S100Z: variants seen among roughly 807,000 people sequenced by gnomAD.
S100Z encodes the protein protein S100-Z.
Under a neutral mutation model 8.5 loss-of-function variants are expected in S100Z, and 11 were observed. The observed-to-expected ratio is 1.30, with a 90% confidence interval of 0.82 to 2.15. S100Z has a LOEUF of 2.15. Ranked by LOEUF, S100Z falls within the 30% of genes most tolerant of loss-of-function variation. The pLI, the probability that S100Z is intolerant of heterozygous loss-of-function variation, is 0.00. For missense variants in S100Z, 126 were observed against 117.9 expected (o/e 1.07, Z -0.32); for synonymous variants, 34 against 43.8 (o/e 0.78, Z 0.89).
At chr5:76,935,970 T>G in the S100Z span, among the ~76,000 whole-genome samples, 1 of 152,232 alleles carries the variant, frequency 6.6e-6, no homozygotes, top group South Asian at 2.1e-4. Flanking sequence ...AGAGATGGGG[T>G]TTCACCATGT....
intron 4 of S100Z, among the ~76,000 whole-genome samples, chr5:76,910,611 G>T (rs1194992126): frequency 6.6e-6 from 1 of 152,164 alleles, no homozygotes; most frequent in Non-Finnish European, 1.5e-5. Flanking sequence ...GGCAATCACT[G>T]GAAGGTGCAC....
the S100Z span, among the ~76,000 whole-genome samples, chr5:76,947,402 T>C: frequency 1.3e-5 from 2 of 152,246 alleles, no homozygotes; most frequent in Non-Finnish European, 2.9e-5. Flanking sequence ...CCAAAGGCTA[T>C]GTGCTTCGTT....
At chr5:76,916,533 A>G (rs1188642067) in intron 4 of S100Z, among the ~76,000 whole-genome samples, 3 of 117,048 alleles carry the variant, frequency 2.6e-5, no homozygotes, top group Non-Finnish European at 4.9e-5. Context: ...GTCCTAGGCC[A>G]AAAAAAAAAA....
At chr5:76,944,067 C>G in the S100Z span, among the ~76,000 whole-genome samples, 1 of 152,198 alleles carries the variant, frequency 6.6e-6, no homozygotes, top group Non-Finnish European at 1.5e-5. Flanking sequence ...TTGCCTCACC[C>G]TATCCCGGCC....
At chr5:76,856,866 G>C (rs1244815473) in intron 1 of S100Z, among the ~76,000 whole-genome samples, 2 of 152,178 alleles carry the variant, frequency 1.3e-5, no homozygotes, top group Non-Finnish European at 2.9e-5. Context: ...CACAGTAGAT[G>C]AAATTGCCTA....
chr5:76,928,451 A>T, the S100Z span, among the ~76,000 whole-genome samples: 1 of 152,200 alleles, frequency 6.6e-6, no homozygotes, highest in Non-Finnish European at 1.5e-5. Context: ...CCCTCATGGC[A>T]TATTTTATAT....
At chr5:76,850,401 G>A (rs1215924124) in intron 1 of S100Z, among the ~76,000 whole-genome samples, 1 of 151,918 alleles carries the variant, frequency 6.6e-6, no homozygotes, top group Non-Finnish European at 1.5e-5. Context: ...AGAGGTTCTG[G>A]TAAGTTCCTT....
downstream of S100Z, among the ~76,000 whole-genome samples, chr5:76,924,783 A>ACG (rs1745107117): frequency 1.3e-5 from 2 of 152,042 alleles, no homozygotes; most frequent in African/African-American, 4.8e-5. Context: ...GGTGGCAGGC[A>ACG]CCTGTAATCC....
At chr5:76,936,728 G>A in the S100Z span, among the ~76,000 whole-genome samples, 35 of 151,756 alleles carry the variant, frequency 2.3e-4, no homozygotes, top group East Asian at 4.8e-3. Flanking sequence ...TGGTAGGCTC[G>A]CAAAAGCCTA....
the S100Z span, among the ~76,000 whole-genome samples, chr5:76,945,524 C>T: frequency 1.3e-5 from 2 of 152,198 alleles, no homozygotes; most frequent in Non-Finnish European, 2.9e-5. Context: ...GGAGAAAAGC[C>T]GCCCTGTGGC....
intron 4 of S100Z, among the ~76,000 whole-genome samples, chr5:76,896,836 T>C (rs911007821): frequency 6.6e-6 from 1 of 152,230 alleles, no homozygotes; most frequent in African/African-American, 2.4e-5. Flanking sequence ...TATGTCTTCT[T>C]TTGAGAAATG....
intron 1 of S100Z, among the ~76,000 whole-genome samples, chr5:76,869,787 G>A (rs894947663): frequency 3.3e-5 from 5 of 152,136 alleles, no homozygotes; most frequent in African/African-American, 9.7e-5. Context: ...GGGAGGCTGA[G>A]GCAGGTGGAT....
At chr5:76,878,467 C>G (rs1180241735) in intron 4 of S100Z, among the ~76,000 whole-genome samples, 1 of 152,144 alleles carries the variant, frequency 6.6e-6, no homozygotes, top group Non-Finnish European at 1.5e-5. Context: ...CCACTGTTTC[C>G]CCCTGGGGCT....
chr5:76,896,578 T>C (rs1340388736), intron 4 of S100Z, among the ~76,000 whole-genome samples: 3 of 152,244 alleles, frequency 2.0e-5, no homozygotes, highest in Non-Finnish European at 4.4e-5. Context: ...CTGGATCACA[T>C]GGTAGCTCAA....
intron 4 of S100Z, among the ~76,000 whole-genome samples, chr5:76,904,027 G>C (rs2150672924): frequency 6.6e-6 from 1 of 151,970 alleles, no homozygotes; most frequent in South Asian, 2.1e-4. Flanking sequence ...GAGCCACTGT[G>C]CCCGGCCGAC....
At chr5:76,949,157 C>T in the S100Z span, among the ~76,000 whole-genome samples, 4 of 152,082 alleles carry the variant, frequency 2.6e-5, no homozygotes, top group Admixed American at 6.5e-5. Context: ...GGGAGGCCAA[C>T]GTGGGCAGAT....
chr5:76,915,556 C>T (rs1003535046), intron 4 of S100Z, among the ~76,000 whole-genome samples: 2 of 150,462 alleles, frequency 1.3e-5, no homozygotes, highest in African/African-American at 4.9e-5. Flanking sequence ...TGCAATGAGC[C>T]GAGATCACAC....
chr5:76,938,107 TAAAC>T, the S100Z span, among the ~76,000 whole-genome samples: 32 of 138,226 alleles, frequency 2.3e-4, no homozygotes, highest in African/African-American at 8.4e-4. Context: ...AAACAAAAAA[TAAAC>T]AAAAAAACAA....
chr5:76,908,638 G>A (rs1444055822), intron 4 of S100Z, among the ~76,000 whole-genome samples: 1 of 152,150 alleles, frequency 6.6e-6, no homozygotes, highest in African/African-American at 2.4e-5. Context: ...AGACAAGCAG[G>A]CCTAACAAAA....
Sources: allele counts gnomAD v4.1 joint callset (sites outside exome capture counted in the v4.1 genomes callset), GRCh38; gene constraint gnomAD v4.1.1; transcripts MANE v1.5; gene names NCBI Gene and HGNC (gene_info 2026-07-23, HGNC 2026-07-21).